SORCS2: variants seen among roughly 807,000 people sequenced by gnomAD.
SORCS2 encodes the protein sortilin related VPS10 domain containing receptor 2.
A neutral mutation model predicts 141.6 loss-of-function variants in SORCS2; 100 were observed. That is an observed-to-expected ratio of 0.71 (90% CI 0.60 to 0.83). The LOEUF (loss-of-function observed/expected upper bound fraction) is 0.83. SORCS2 is among the 40% of genes least tolerant of loss of function. The probability of loss-of-function intolerance (pLI) is 0.00; values close to 1 mark genes in which losing one functional copy is unlikely to be tolerated. For synonymous variants in SORCS2, 789 were observed against 676.9 expected (o/e 1.17, Z -2.57); for missense variants, 1,646 against 1,560.2 (o/e 1.05, Z -0.93).
chr4:7,737,527 C>G (rs753712366), intron 26 of SORCS2, among the ~76,000 whole-genome samples: 3 of 152,204 alleles, frequency 2.0e-5, no homozygotes, highest in Non-Finnish European at 2.9e-5. Flanking sequence ...CGTGGGAGGC[C>G]TTTCCCCCAC....
intron 1 of SORCS2, among the ~76,000 whole-genome samples, chr4:7,207,637 G>A (rs1032116256): frequency 3.3e-4 from 50 of 152,358 alleles, no homozygotes; most frequent in African/African-American, 1.1e-3. Flanking sequence ...CGATGCAGGA[G>A]CGAGCTTCTT....
intron 1 of SORCS2, among the ~76,000 whole-genome samples, chr4:7,197,007 A>T (rs1727213457): frequency 6.6e-6 from 1 of 152,194 alleles, no homozygotes; most frequent in Non-Finnish European, 1.5e-5. Flanking sequence ...GCCAGGGCAA[A>T]GTGCCACAGA....
chr4:7,452,303 G>C (rs1045321994), intron 2 of SORCS2, among the ~76,000 whole-genome samples: 1 of 152,068 alleles, frequency 6.6e-6, no homozygotes, highest in African/African-American at 2.4e-5. Context: ...ACCATGCCTG[G>C]GTAATTTTTG....
At chr4:7,738,664 C>A (rs548296175) in intron 26 of SORCS2, among the ~76,000 whole-genome samples, 1 of 152,164 alleles carries the variant, frequency 6.6e-6, no homozygotes. Flanking sequence ...CGGCTTCGAG[C>A]GTCACTCACA....
chr4:7,504,363 C>G (rs979651673), intron 2 of SORCS2, among the ~76,000 whole-genome samples: 6 of 152,222 alleles, frequency 3.9e-5, no homozygotes, highest in African/African-American at 9.7e-5. Flanking sequence ...GCTCCTGTGA[C>G]TTTGTAGAGC....
intron 1 of SORCS2, among the ~76,000 whole-genome samples, chr4:7,333,130 G>A (rs1390425458): frequency 6.6e-6 from 1 of 152,208 alleles, no homozygotes; most frequent in Non-Finnish European, 1.5e-5. Flanking sequence ...CGTGCAGGCA[G>A]GAAGGCAGCC....
At chr4:7,231,716 C>G (rs1033274243) in intron 1 of SORCS2, among the ~76,000 whole-genome samples, 5 of 152,170 alleles carry the variant, frequency 3.3e-5, no homozygotes, top group Non-Finnish European at 7.3e-5. Flanking sequence ...AGGAGAGGGT[C>G]GTTCTTTTTG....
At chr4:7,255,181 C>G (rs546559846) in intron 1 of SORCS2, among the ~76,000 whole-genome samples, 5 of 152,070 alleles carry the variant, frequency 3.3e-5, no homozygotes, top group African/African-American at 1.2e-4. Context: ...GGTTCCTGCC[C>G]TAGCGGAGGT....
intron 2 of SORCS2, among the ~76,000 whole-genome samples, chr4:7,413,340 T>C (rs1725447275): frequency 6.6e-6 from 1 of 151,754 alleles, no homozygotes; most frequent in East Asian, 1.9e-4. Flanking sequence ...AGAATTCCAA[T>C]TGAATTATGT....
intron 11 of SORCS2, among the ~76,000 whole-genome samples, chr4:7,696,092 A>G (rs947623827): frequency 6.6e-6 from 1 of 152,190 alleles, no homozygotes. Flanking sequence ...CTAACTTTTA[A>G]TTCATCTATT....
chr4:7,702,560 C>A (rs79844753), intron 12 of SORCS2, among the ~76,000 whole-genome samples: 2,507 of 152,338 alleles, frequency 0.016, 75 homozygotes, highest in African/African-American at 0.057. Context: ...CCCGGGTGAG[C>A]CCTGTCCAGG....
intron 2 of SORCS2, among the ~76,000 whole-genome samples, chr4:7,450,770 TGA>T (rs1728382834): frequency 6.6e-6 from 1 of 151,874 alleles, no homozygotes; most frequent in Non-Finnish European, 1.5e-5. Context: ...AGTGAGTAAA[TGA>T]GAGAGTGAAT....
At chr4:7,404,469 A>G (rs1034924687) in intron 2 of SORCS2, among the ~76,000 whole-genome samples, 1 of 152,214 alleles carries the variant, frequency 6.6e-6, no homozygotes, top group Admixed American at 6.5e-5. Flanking sequence ...ATTTCCATGA[A>G]CAGTGTACAA....
In SORCS2 at chr4:7,648,583, G is replaced by A. The variant is rs1425842055; in HGVS notation, c.814-5551G>A. 6.6e-6 allele frequency among the ~76,000 whole-genome samples: 1 copy of A among 151,970 alleles called. No homozygotes were observed. Among genetic ancestry groups the A allele is most frequent in the African/African-American group, 2.4e-5 (1 of 41,386 alleles). ...TCGTGGGGCCTCCTTTCTAGATGAG[G>A]ATGGGGGCGCAGAGCAGATGACGAG... On this transcript the variant is annotated intron_variant, in intron 4 of 26. Transcript: ENST00000507866. This position sits in a 1 kb window ranked among gnomAD's most constrained non-coding sequence, Gnocchi z 4.2.
intron 10 of SORCS2, among the ~76,000 whole-genome samples, chr4:7,685,733 A>G (rs568171384): frequency 6.6e-6 from 1 of 151,912 alleles, no homozygotes; most frequent in East Asian, 1.9e-4. Flanking sequence ...GGCCTGGGCT[A>G]TCCTGTGTGT....
intron 5 of SORCS2, among the ~76,000 whole-genome samples, chr4:7,660,308 C>G (rs775011692): frequency 5.9e-5 from 9 of 152,126 alleles, no homozygotes; most frequent in African/African-American, 2.2e-4. Context: ...AGAACCACAG[C>G]CCCCGCCTGA....
intron 1 of SORCS2, among the ~76,000 whole-genome samples, chr4:7,385,530 G>A (rs1486549236): frequency 1.3e-5 from 2 of 152,166 alleles, no homozygotes. Flanking sequence ...AGGCTGATGT[G>A]GTTTGAGTCC....
rs755363032 is a variant in SORCS2 at position 7,652,703 on chromosome 4, C to T, written c.814-1431C>T. Among the ~76,000 whole-genome samples, 143 of 152,104 alleles carry T rather than the reference C, an allele frequency of 9.4e-4. 1 individual carries two copies. Among genetic ancestry groups the T allele is most frequent in the Non-Finnish European group, 1.8e-3 (120 of 67,994 alleles). ...CTCTCCATTCTGCTGCTGCCCCCAG[C>T]TGGGCCCAGGCCTGGCCTCCTCAGG... is the stretch of plus-strand genomic sequence containing the variant. On this transcript the variant is annotated intron_variant, in intron 4 of 26. Coordinates refer to ENST00000507866, the MANE Select transcript of SORCS2 (RefSeq NM_020777.3).
At chr4:7,361,761 G>A (rs1395256330) in intron 1 of SORCS2, among the ~76,000 whole-genome samples, 2 of 151,724 alleles carry the variant, frequency 1.3e-5, no homozygotes, top group African/African-American at 4.8e-5. Flanking sequence ...TCACACAGTG[G>A]CTAAGAAAAA....
Sources: allele counts gnomAD v4.1 joint callset (sites outside exome capture counted in the v4.1 genomes callset), GRCh38; gene constraint gnomAD v4.1.1; non-coding constraint Gnocchi (gnomAD v3.1); transcripts MANE v1.5; gene names NCBI Gene and HGNC (gene_info 2026-07-23, HGNC 2026-07-21).